Variants in SYNPR observed in about 807,000 individuals in gnomAD.
SYNPR encodes synaptoporin.
In SYNPR, 23 loss-of-function variants were observed where a neutral mutation model predicts 32.9. The observed-to-expected ratio is 0.70, with a 90% CI of 0.50 to 0.99. SYNPR has a LOEUF of 0.99. SYNPR is among the 50% of genes least tolerant of loss of function. The probability of loss-of-function intolerance (pLI) is 0.00; values close to 1 mark genes in which losing one functional copy is unlikely to be tolerated. For missense variants in SYNPR, 318 were observed against 349.3 expected, an observed-to-expected ratio of 0.91 and a Z score of 0.71; for synonymous variants, 146 against 135.9, an observed-to-expected ratio of 1.07 and a Z score of -0.52.
chr3:63,302,757 A>C (rs370060276), intron 2 of SYNPR, among the ~76,000 whole-genome samples: 227 of 152,020 alleles, frequency 1.5e-3, no homozygotes, highest in Middle Eastern at 0.01. Context: ...ATACAAACCT[A>C]ATGGATAATA....
At chr3:63,437,191 C>T (rs1399933379) in intron 2 of SYNPR, among the ~76,000 whole-genome samples, 2 of 152,144 alleles carry the variant, frequency 1.3e-5, no homozygotes, top group East Asian at 3.9e-4. Flanking sequence ...CTTTCTAAAA[C>T]ATGAACAGCT....
intron 4 of SYNPR, among the ~76,000 whole-genome samples, chr3:63,558,677 T>C (rs1172810518): frequency 6.6e-6 from 1 of 152,200 alleles, no homozygotes; most frequent in Non-Finnish European, 1.5e-5. Context: ...GTTTATAACA[T>C]ATTTTTGTTG....
chr3:63,543,678 G>C (rs554188473), intron 3 of SYNPR, among the ~76,000 whole-genome samples: 1 of 151,912 alleles, frequency 6.6e-6, no homozygotes, highest in Non-Finnish European at 1.5e-5. Context: ...GCTAGACTTT[G>C]TATAAAACTG....
chr3:63,455,875 C>T (rs544240345), intron 2 of SYNPR, among the ~76,000 whole-genome samples: 7 of 151,880 alleles, frequency 4.6e-5, no homozygotes, highest in Middle Eastern at 3.4e-3. Context: ...AATATCAAGG[C>T]CCTTCTTTTC....
At chr3:63,525,886 A>G (rs1559526352) in intron 3 of SYNPR, among the ~76,000 whole-genome samples, 2 of 152,202 alleles carry the variant, frequency 1.3e-5, no homozygotes, top group Non-Finnish European at 2.9e-5. Context: ...CTTCTTGTAC[A>G]GCCTGCAGAA....
At chr3:63,335,414 T>G (rs1052647899) in intron 2 of SYNPR, among the ~76,000 whole-genome samples, 1 of 147,076 alleles carries the variant, frequency 6.8e-6, no homozygotes, top group African/African-American at 2.5e-5. Flanking sequence ...ATAATATAAG[T>G]GTTGGGTTTG....
At chr3:63,499,074 A>G (rs1047063153) in intron 3 of SYNPR, among the ~76,000 whole-genome samples, 6 of 152,052 alleles carry the variant, frequency 3.9e-5, no homozygotes, top group Admixed American at 2.0e-4. Context: ...TGCAGTGAGG[A>G]GACCAGTTAA....
At chr3:63,516,623 A>G (rs1219700260) in intron 3 of SYNPR, among the ~76,000 whole-genome samples, 2 of 152,158 alleles carry the variant, frequency 1.3e-5, no homozygotes, top group Admixed American at 1.3e-4. Context: ...GCTATCAAGT[A>G]GCCGAGGCAT....
In SYNPR at chr3:63,536,239, T is replaced by C. The variant is rs537851726; in HGVS notation, c.210-20304T>C. ...TAATAAATCCAAAAAGGAACTTACA[T>C]CCAGAATATATGAAGAATTCTTATA... On this transcript the variant is annotated intron_variant, in intron 3 of 5. Transcript: ENST00000478300. Among the ~76,000 whole-genome samples, 202 of 152,222 alleles carry C rather than the reference T, an allele frequency of 1.3e-3. 1 individual carries two copies. Among genetic ancestry groups the C allele is most frequent in the African/African-American group, 4.6e-3 (190 of 41,546 alleles).
At chr3:63,394,555 G>A (rs1440193577) in intron 2 of SYNPR, among the ~76,000 whole-genome samples, 1 of 151,868 alleles carries the variant, frequency 6.6e-6, no homozygotes, top group East Asian at 1.9e-4. Flanking sequence ...CCTTCAAAAT[G>A]GCAAAATCTG....
intron 4 of SYNPR, among the ~76,000 whole-genome samples, chr3:63,564,333 A>C (rs1702747747): frequency 6.6e-6 from 1 of 151,668 alleles, no homozygotes; most frequent in Non-Finnish European, 1.5e-5. Flanking sequence ...AGTAGCTGAG[A>C]TTACAGGGGT....
At chr3:63,571,247 G>A (rs1702880460) in intron 4 of SYNPR, among the ~76,000 whole-genome samples, 1 of 152,086 alleles carries the variant, frequency 6.6e-6, no homozygotes, top group African/African-American at 2.4e-5. Context: ...TGTGCACTTT[G>A]TTCTCATTAA....
intron 2 of SYNPR, among the ~76,000 whole-genome samples, chr3:63,283,315 T>C (rs1264730954): frequency 1.3e-5 from 2 of 149,408 alleles, no homozygotes; most frequent in Non-Finnish European, 3.0e-5. Flanking sequence ...CTTAATAACA[T>C]ATAAAAGTCC....
intron 4 of SYNPR, among the ~76,000 whole-genome samples, chr3:63,583,932 A>G (rs1199331638): frequency 6.6e-6 from 1 of 152,086 alleles, no homozygotes; most frequent in Non-Finnish European, 1.5e-5. Flanking sequence ...ATTTTCCATG[A>G]TCTAAGAACC....
At chr3:63,231,732 C>A (rs950129488) in intron 1 of SYNPR, among the ~76,000 whole-genome samples, 2 of 152,030 alleles carry the variant, frequency 1.3e-5, no homozygotes, top group African/African-American at 4.8e-5. Flanking sequence ...AGAGAAGCTG[C>A]CAAAAAAGCA....
At chr3:63,313,597 T>C (rs934926801) in intron 2 of SYNPR, among the ~76,000 whole-genome samples, 1 of 144,884 alleles carries the variant, frequency 6.9e-6, no homozygotes, top group African/African-American at 2.5e-5. Flanking sequence ...CGTACATATA[T>C]GTGTGTGTGT....
At chr3:63,334,979 G>T (rs1266582291) in intron 2 of SYNPR, among the ~76,000 whole-genome samples, 2 of 152,194 alleles carry the variant, frequency 1.3e-5, no homozygotes, top group African/African-American at 4.8e-5. Flanking sequence ...CTGGGCTACA[G>T]CTCTGTTCTC....
chr3:63,358,098 C>T (rs1337837373), intron 2 of SYNPR, among the ~76,000 whole-genome samples: 2 of 152,182 alleles, frequency 1.3e-5, no homozygotes, highest in Non-Finnish European at 1.5e-5. Context: ...AGATTGGGCA[C>T]TGGGTGTTAC....
At chr3:63,613,232 C>T (rs1466790966) in intron 5 of SYNPR, among the ~76,000 whole-genome samples, 1 of 151,690 alleles carries the variant, frequency 6.6e-6, no homozygotes, top group Admixed American at 6.6e-5. Context: ...TATTGACATA[C>T]ACTTGTAAAG....
Sources: gnomAD v4.1 joint callset for allele counts (sites outside exome capture counted in the v4.1 genomes callset) on GRCh38, gnomAD v4.1.1 for gene constraint, MANE v1.5 for transcripts, NCBI Gene and HGNC (gene_info 2026-07-23, HGNC 2026-07-21) for gene names.